The following CPB1 variants were observed in gnomAD, a reference collection of about 807,000 sequenced individuals.
The protein encoded by CPB1 is carboxypeptidase B.
Under a neutral mutation model 51.4 loss-of-function variants are expected in CPB1, and 53 were observed. That is an observed-to-expected ratio of 1.03 (90% CI 0.83 to 1.30). CPB1 has a LOEUF of 1.30. CPB1 is among the 50% of genes most tolerant of loss of function. The pLI is 0.00. For synonymous variants in CPB1, 189 were observed against 186.9 expected, an observed-to-expected ratio of 1.01 and a Z score of -0.09; for missense variants, 494 against 516.2, an observed-to-expected ratio of 0.96 and a Z score of 0.42.
Position 148,841,675 on chromosome 3 carries a change from G to A in CPB1, c.475-148G>A, listed in dbSNP as rs879294215. On this transcript the variant is annotated intron_variant, in intron 5 of 10. Coordinates refer to ENST00000282957, the MANE Select transcript of CPB1 (RefSeq NM_001871.3). ...CTAGAAGCGAGAACATACTGTGTTA[G>A]TATTATATTTTAATTTAATCATGGG... The A allele has an allele frequency of 4.7e-4, 285 of 605,654 alleles. 2 individuals carry two copies. Among genetic ancestry groups the A allele is most frequent in the Middle Eastern group, 1.1e-3 (4 of 3,788 alleles). The allele number at this position is 605,654 out of a possible 1,614,324, so 37.5% of individuals were successfully genotyped here. A position where few individuals can be genotyped will look rare whatever the true frequency, so the allele number is the denominator to read the frequency against.
Position 148,844,589 on chromosome 3 carries a change from G to A in CPB1, c.687+1G>A, listed in dbSNP as rs772900682. On this transcript the variant is annotated splice_donor_variant, in intron 7 of 10. Coordinates refer to ENST00000282957, the MANE Select transcript of CPB1 (RefSeq NM_001871.3). LOFTEE classifies it high-confidence loss of function. ...TGGCTACATCTACACCTGGACCAAG[G>A]TATATGCACCAATACTGAGAGAGGC... The A allele has an allele frequency of 5.0e-6, 8 of 1,612,908 alleles. No individual in the cohort carries two copies. Among genetic ancestry groups the A allele is most frequent in the Middle Eastern group, 1.6e-4 (1 of 6,062 alleles).
intron 9 of CPB1, among the ~76,000 whole-genome samples, chr3:148,846,964 T>C (rs1043097275): frequency 2.7e-5 from 4 of 149,242 alleles, no homozygotes; most frequent in Admixed American, 6.7e-5. Flanking sequence ...TGTCCAAAAT[T>C]TCTGGCCACC....
intron 3 of CPB1, among the ~76,000 whole-genome samples, chr3:148,837,275 G>C (rs757131215): frequency 2.0e-5 from 3 of 152,114 alleles, no homozygotes; most frequent in Non-Finnish European, 2.9e-5. Flanking sequence ...TTTCAGAGGC[G>C]TACAGGAAGG....
At chr3:148,832,673 G>GTA (rs1313150293) in intron 2 of CPB1, among the ~76,000 whole-genome samples, 1 of 152,230 alleles carries the variant, frequency 6.6e-6, no homozygotes, top group Non-Finnish European at 1.5e-5. Flanking sequence ...AGGAGTTGGA[G>GTA]TAATTCATCA....
chr3:148,857,390 T>C (rs1426422626), intron 9 of CPB1, 67 bp from the exon 10 acceptor site: 2 of 1,203,920 alleles, frequency 1.7e-6, no homozygotes, highest in Non-Finnish European at 2.4e-6. Context: ...TTAAAAATAA[T>C]GTACAGGGCA....
Position 148,841,865 on chromosome 3 carries a change from T to C in CPB1, c.517T>C (p.Cys173Arg), listed in dbSNP as rs1370463041. ...AAATAAGCCTGCCATTTTCATGGACTGTGGTTTCCATGCCAGAGAGTGGAT... is the reference window on the plus strand; with the variant it reads ...AAATAAGCCTGCCATTTTCATGGACCGTGGTTTCCATGCCAGAGAGTGGAT... Reference protein sequence around the residue: ...GQNKPAIFMDCGFHAREWISP... With the variant: ...GQNKPAIFMDRGFHAREWISP... Residue 173 changes from cysteine to arginine, a missense_variant, in exon 6 of 11, where the codon TGT (cysteine) becomes CGT (arginine). Cys to Arg is a radical substitution (Grantham distance 180, BLOSUM62 -3). Transcript: ENST00000282957. The C allele has an allele frequency of 1.2e-6, 2 of 1,613,942 alleles. No homozygotes were observed. The highest frequency in any genetic ancestry group is 1.7e-6 in the Non-Finnish European group (2 of 1,179,910).
chr3:148,844,898 A>C (rs1261148371), intron 8 of CPB1, 131 bp downstream of exon 8: 1 of 281,136 alleles, frequency 3.6e-6, no homozygotes, highest in Non-Finnish European at 6.0e-6. Context: ...TAAAAGCACC[A>C]AAAAAAAAAA....
chr3:148,850,222 C>T (rs1255909631), intron 9 of CPB1, among the ~76,000 whole-genome samples: 5 of 152,052 alleles, frequency 3.3e-5, no homozygotes, highest in Admixed American at 2.6e-4. Flanking sequence ...TAGAAAGCTA[C>T]TTCCAAATTC....
At chr3:148,845,664 G>C (rs776970460) in intron 9 of CPB1, 38 bp downstream of exon 9, 5 of 1,485,592 alleles carry the variant, frequency 3.4e-6, no homozygotes, top group East Asian at 2.3e-5. Flanking sequence ...TTTTACTATT[G>C]AGATTTTTTA....
At chr3:148,849,804 C>G (rs1211835876) in intron 9 of CPB1, among the ~76,000 whole-genome samples, 1 of 152,234 alleles carries the variant, frequency 6.6e-6, no homozygotes, top group Non-Finnish European at 1.5e-5. Context: ...CATTTTCCAG[C>G]TGAGGCATGG....
At chr3:148,858,577 A>C (rs1016864132) in intron 10 of CPB1, among the ~76,000 whole-genome samples, 5 of 152,104 alleles carry the variant, frequency 3.3e-5, no homozygotes, top group African/African-American at 1.2e-4. Flanking sequence ...CATCTCAAAA[A>C]AAAAAAGACA....
At chr3:148,839,712 T>C (rs770447229) in intron 3 of CPB1, among the ~76,000 whole-genome samples, 4 of 152,132 alleles carry the variant, frequency 2.6e-5, no homozygotes, top group Admixed American at 6.5e-5. Context: ...AGAATGTCCT[T>C]GGGGCAGCCA....
At chr3:148,843,711 A>G (rs1408305201) in intron 6 of CPB1, among the ~76,000 whole-genome samples, 1 of 152,182 alleles carries the variant, frequency 6.6e-6, no homozygotes, top group Non-Finnish European at 1.5e-5. Flanking sequence ...AGTTTATTCA[A>G]GCAAGCCTAG....
chr3:148,836,141 AAAG>A (rs1712895770), intron 3 of CPB1, among the ~76,000 whole-genome samples: 1 of 152,074 alleles, frequency 6.6e-6, no homozygotes, highest in South Asian at 2.1e-4. Flanking sequence ...ACTGTTGTAC[AAAG>A]AAGGAGATTA....
At chr3:148,854,147 C>T (rs1713507832) in intron 9 of CPB1, 1 of 152,160 alleles carries the variant, frequency 6.6e-6, no homozygotes, top group Non-Finnish European at 1.5e-5. Context: ...CAAGAATTAC[C>T]TTTCTCTCTA....
At chr3:148,834,260 CTA>C (rs1359693199) in intron 2 of CPB1, among the ~76,000 whole-genome samples, 1 of 152,076 alleles carries the variant, frequency 6.6e-6, no homozygotes, top group African/African-American at 2.4e-5. Context: ...GGAAATGATT[CTA>C]TGTTTTTTCA....
chr3:148,843,388 C>T (rs1713147237), intron 6 of CPB1, among the ~76,000 whole-genome samples: 1 of 151,774 alleles, frequency 6.6e-6, no homozygotes, highest in Admixed American at 6.6e-5. Context: ...TTATTATATA[C>T]AACATAATTT....
rs756669752 is a variant in CPB1, at chr3:148,827,881, G to A, written c.58G>A (p.Glu20Lys). The stretch of plus-strand genomic sequence containing the variant: ...CCTGGCATCTGCTCATCATGGTGGT[G>A]AGCACTTTGAAGGGTAAGTAAGCCA... ...VALASAHHGG[E>K]HFEGEKVFRV... The change falls in exon 1 of 11, where the codon GAG (glutamate) becomes AAG (lysine). Residue 20 changes from glutamate to lysine, a missense_variant. By Grantham distance (56) the Glu-to-Lys change is moderately conservative (BLOSUM62 1). Coordinates refer to ENST00000282957, the MANE Select transcript of CPB1 (RefSeq NM_001871.3). 19 of 1,614,140 alleles carry A rather than the reference G, an allele frequency of 1.2e-5. No individual in the cohort carries two copies. Among genetic ancestry groups the A allele is most frequent in the Non-Finnish European group, 1.6e-5 (19 of 1,180,022 alleles).
In CPB1 at chr3:148,847,234, A is replaced by G. The variant is rs142635685; in HGVS notation, c.981+1608A>G. Among the ~76,000 whole-genome samples, 782 of 151,992 alleles carry G rather than the reference A, an allele frequency of 5.1e-3. 6 individuals carry two copies. The highest frequency in any genetic ancestry group is 0.018 in the African/African-American group (732 of 41,484). On this transcript the variant is annotated intron_variant, in intron 9 of 10. Transcript: ENST00000282957. The stretch of plus-strand genomic sequence containing the variant: ...AAGTGTTCCTGGAAGCTGAGCTACC[A>G]AAGTTTTCTTATTCAATACATTTTC...
Sources: gnomAD v4.1 joint callset for allele counts (sites outside exome capture counted in the v4.1 genomes callset) on GRCh38, gnomAD v4.1.1 for gene constraint, MANE v1.5 for transcripts, NCBI Gene and HGNC (gene_info 2026-07-23, HGNC 2026-07-21) for gene names.